The following PRDM5 variants were observed in gnomAD, a reference collection of about 807,000 sequenced individuals.
PRDM5 encodes the protein PR/SET domain 5.
A neutral mutation model predicts 81.2 loss-of-function variants in PRDM5; 56 were observed. The observed-to-expected ratio is 0.69, with a 90% CI of 0.56 to 0.86. The LOEUF is 0.86. PRDM5 is among the 40% of genes least tolerant of loss of function. PRDM5 has a pLI of 0.00. For synonymous variants in PRDM5, 267 were observed against 256.4 expected, an observed-to-expected ratio of 1.04 and a Z score of -0.39; for missense variants, 697 against 770.1, an observed-to-expected ratio of 0.91 and a Z score of 1.12.
rs966764926 is a variant in PRDM5 at position 120,801,324 on chromosome 4, G to T, written c.946-1579C>A. Among the ~76,000 whole-genome samples the T allele has an allele frequency of 5.3e-5, 8 of 152,154 alleles. No homozygotes were observed. The South Asian group carries it at 6.2e-4, about 12-fold the overall frequency. On this transcript the variant is annotated intron_variant, in intron 8 of 15. Coordinates refer to ENST00000264808, the MANE Select transcript of PRDM5 (RefSeq NM_018699.4). ...AGGACTCGGCTGGCCCCTGATAAAT[G>T]GTTCTCTTGATCTAAATGGCCATAG...
chr4:120,852,955 G>A (rs1229091822), intron 3 of PRDM5, among the ~76,000 whole-genome samples: 1 of 151,660 alleles, frequency 6.6e-6, no homozygotes, highest in Non-Finnish European at 1.5e-5. Context: ...GTGAGCCACT[G>A]CACCTGTTTC....
intron 14 of PRDM5, among the ~76,000 whole-genome samples, chr4:120,744,190 T>C (rs1742599177): frequency 6.6e-6 from 1 of 151,908 alleles, no homozygotes; most frequent in Non-Finnish European, 1.5e-5. Context: ...ACTGGGTACA[T>C]AACGAAATGA....
intron 1 of PRDM5, among the ~76,000 whole-genome samples, chr4:120,908,011 T>A (rs1159507499): frequency 6.6e-6 from 1 of 152,150 alleles, no homozygotes; most frequent in Non-Finnish European, 1.5e-5. Context: ...AGAGGAAGAG[T>A]GTTCATAAAT....
In PRDM5 at chr4:120,867,965, G is replaced by A. The variant is rs73843634; in HGVS notation, c.178-14425C>T. Among the ~76,000 whole-genome samples the A allele has an allele frequency of 8.3e-3, 1,263 of 152,286 alleles. 17 individuals are homozygous for A. Among genetic ancestry groups the A allele is most frequent in the African/African-American group, 0.029 (1,194 of 41,558 alleles). On this transcript the variant is annotated intron_variant, in intron 2 of 15. Coordinates refer to ENST00000264808, the MANE Select transcript of PRDM5 (RefSeq NM_018699.4). The stretch of plus-strand genomic sequence containing the variant: ...TGAAATGGGAACAACATTGGGCGCT[G>A]CCAATGAACTCCTTCAAGACAGATT...
chr4:120,912,398 G>A (rs1766623931), intron 1 of PRDM5, among the ~76,000 whole-genome samples: 1 of 152,064 alleles, frequency 6.6e-6, no homozygotes, highest in Admixed American at 6.6e-5. Flanking sequence ...AGAAGATAGA[G>A]AAACAAGTTA....
intron 15 of PRDM5, among the ~76,000 whole-genome samples, chr4:120,707,398 A>T (rs1309612999): frequency 6.6e-6 from 1 of 152,010 alleles, no homozygotes; most frequent in African/African-American, 2.4e-5. Context: ...TGATTAAAAA[A>T]ATCCCTCAGA....
chr4:120,742,794 T>A (rs1283488645), intron 14 of PRDM5, among the ~76,000 whole-genome samples: 1 of 151,944 alleles, frequency 6.6e-6, no homozygotes. Flanking sequence ...AGACCAAATC[T>A]ACGTCTGATT....
Position 120,802,108 on chromosome 4 carries a change from C to T in PRDM5, c.946-2363G>A, listed in dbSNP as rs945669547. Among the ~76,000 whole-genome samples the T allele has an allele frequency of 2.0e-5, 3 of 152,014 alleles. No individual in the cohort carries two copies. The South Asian group carries it at 6.2e-4, about 32-fold the overall frequency. ...GTTCACTTGTTAATTCTCATGGCTT[C>T]AACATGAAACATTTTTCAAGGTTGA... On this transcript the variant is annotated intron_variant, in intron 8 of 15. Transcript: ENST00000264808.
At chr4:120,712,062 A>G (rs1737070764) in intron 14 of PRDM5, among the ~76,000 whole-genome samples, 1 of 151,982 alleles carries the variant, frequency 6.6e-6, no homozygotes, top group African/African-American at 2.4e-5. Context: ...AAGGCGGACG[A>G]ATTATCTGAG....
chr4:120,803,635 C>T lies in PRDM5; in HGVS notation c.946-3890G>A, dbSNP rs545802068. 2.2e-4 allele frequency among the ~76,000 whole-genome samples: 34 copies of T among 152,260 alleles called. No homozygotes were observed. In the South Asian group the frequency reaches 3.9e-3, roughly 18 times the overall value. On this transcript the variant is annotated intron_variant, in intron 8 of 15. Coordinates refer to ENST00000264808, the MANE Select transcript of PRDM5 (RefSeq NM_018699.4). ...TCATAGGTGAAGGAGAAATAAAATA[C>T]TTTACAGACAAGAAAATGCTGAGAT...
chr4:120,808,044 T>C (rs1370725681), intron 8 of PRDM5, among the ~76,000 whole-genome samples: 1 of 152,204 alleles, frequency 6.6e-6, no homozygotes, highest in Non-Finnish European at 1.5e-5. Context: ...GCAGTGAGTG[T>C]TACAGCTCAT....
At chr4:120,870,636 C>T (rs1264238934) in intron 2 of PRDM5, among the ~76,000 whole-genome samples, 2 of 152,124 alleles carry the variant, frequency 1.3e-5, no homozygotes, top group Admixed American at 6.5e-5. Context: ...AGGAAAGGCA[C>T]ATGTGTGAGT....
At chr4:120,864,021 G>A (rs1443133845) in intron 2 of PRDM5, among the ~76,000 whole-genome samples, 1 of 152,162 alleles carries the variant, frequency 6.6e-6, no homozygotes, top group Non-Finnish European at 1.5e-5. Flanking sequence ...AAATTTCAAT[G>A]GCTAAGACTA....
chr4:120,726,810 G>A (rs1739483611), intron 14 of PRDM5, among the ~76,000 whole-genome samples: 1 of 152,162 alleles, frequency 6.6e-6, no homozygotes, highest in African/African-American at 2.4e-5. Context: ...AGAAGCCTCT[G>A]GGGCTTTGAG....
At chr4:120,851,129 T>A (rs1759213529) in intron 3 of PRDM5, among the ~76,000 whole-genome samples, 1 of 152,228 alleles carries the variant, frequency 6.6e-6, no homozygotes, top group East Asian at 1.9e-4. Flanking sequence ...ACCTACTGAT[T>A]CTACAGAAAT....
chr4:120,695,401 C>T (rs567761534), intron 15 of PRDM5, 126 bp from the exon 16 acceptor site: 10 of 1,018,576 alleles, frequency 9.8e-6, no homozygotes, highest in African/African-American at 4.8e-5. Context: ...GTCCTTTGTA[C>T]CCGAGTCACC....
At chr4:120,843,370 C>T (rs1234189690) in intron 3 of PRDM5, among the ~76,000 whole-genome samples, 6 of 151,540 alleles carry the variant, frequency 4.0e-5, no homozygotes, top group African/African-American at 1.5e-4. Flanking sequence ...AATTTAATGC[C>T]AATGTCCTGC....
intron 11 of PRDM5, among the ~76,000 whole-genome samples, chr4:120,783,551 G>A (rs556852703): frequency 1.3e-5 from 2 of 152,190 alleles, no homozygotes; most frequent in South Asian, 4.1e-4. Context: ...GTCAAATTTA[G>A]CCATATTTCA....
intron 1 of PRDM5, among the ~76,000 whole-genome samples, chr4:120,919,645 A>T (rs562650693): frequency 6.6e-5 from 10 of 152,226 alleles, no homozygotes; most frequent in Non-Finnish European, 7.4e-5. Flanking sequence ...TTTTTATTGG[A>T]TGTATACTTA....
Sources: allele counts gnomAD v4.1 joint callset (sites outside exome capture counted in the v4.1 genomes callset), GRCh38; gene constraint gnomAD v4.1.1; transcripts MANE v1.5; gene names NCBI Gene and HGNC (gene_info 2026-07-23, HGNC 2026-07-21).